The following CPAMD8 variants were observed in gnomAD, a reference collection of about 807,000 sequenced individuals.
CPAMD8 encodes C3 and PZP-like alpha-2-macroglobulin domain-containing protein 8.
CPAMD8 carries 146 observed loss-of-function variants against 224.7 expected under a neutral mutation model. That is an observed-to-expected ratio of 0.65 (90% CI 0.57 to 0.75). CPAMD8 has a LOEUF of 0.75. Among genes scored for constraint, CPAMD8 ranks in the 30% least tolerant of loss-of-function variants. CPAMD8 has a pLI of 0.00. For synonymous variants in CPAMD8, 966 were observed against 1,044.6 expected (o/e 0.92, Z 1.45); for missense variants, 2,301 against 2,537.5 (o/e 0.91, Z 2.00).
intron 1 of CPAMD8, among the ~76,000 whole-genome samples, chr19:17,025,511 G>GGCCGCGTCATTCC: frequency 6.6e-6 from 1 of 152,226 alleles, no homozygotes; most frequent in Non-Finnish European, 1.5e-5. Flanking sequence ...TGTCATGTGG[G>GGCCGCGTCATTCC]GCCGCGTCAT....
intron 6 of CPAMD8, 178 bp downstream of exon 6, chr19:17,009,125 C>A: frequency 1.1e-6 from 1 of 909,778 alleles, no homozygotes; most frequent in Non-Finnish European, 1.7e-6. Context: ...GACAGACACA[C>A]ACACAGCCCA....
chr19:16,949,044 G>A (rs2054214778), intron 20 of CPAMD8, among the ~76,000 whole-genome samples: 2 of 132,318 alleles, frequency 1.5e-5, no homozygotes, highest in South Asian at 6.0e-4. Flanking sequence ...AAGGAAGGAA[G>A]GACGGGAGGG....
chr19:16,948,916 A>AAG, intron 20 of CPAMD8, among the ~76,000 whole-genome samples: 1 of 42,172 alleles, frequency 2.4e-5, no homozygotes. Flanking sequence ...GGGAAGGGAA[A>AAG]GGAAGGGGAG....
intron 13 of CPAMD8, among the ~76,000 whole-genome samples, chr19:16,981,109 T>C (rs187549323): frequency 6.9e-6 from 1 of 145,196 alleles, no homozygotes. Context: ...TCCCAGCACT[T>C]TGGGGGGCTG....
Position 16,897,793 on chromosome 19 carries a change from C to T in CPAMD8, c.4963G>A (p.Ala1655Thr). Residue 1655 changes from alanine (A) to threonine (T), a missense_variant, in exon 39 of 42, where the codon GCC (alanine) becomes ACC (threonine). Physicochemically the swap from Ala to Thr is moderately conservative, Grantham distance 58. Around this residue, in one of 4 missense-constraint regions of CPAMD8, gnomAD observed 1,709 missense variants for 1,753.2 expected, o/e 0.97. Coordinates refer to ENST00000443236, the MANE Select transcript of CPAMD8 (RefSeq NM_015692.5). ...GTGCTGACGTTGTAGAAGCGAGTGG[C>T]CTCGAAGGCTACGGGACGAGGGTGG... Reference protein sequence around the residue: ...VYDYYEPAFEATRFYNVSTHS... With the variant: ...VYDYYEPAFETTRFYNVSTHS... 1 of 1,583,868 alleles carries T rather than the reference C, an allele frequency of 6.3e-7. No homozygotes were observed.
In CPAMD8 at chr19:16,896,504, G is replaced by A; in HGVS notation, c.5227C>T (p.Arg1743Cys). The A allele has an allele frequency of 7.0e-7, 1 of 1,428,888 alleles. No individual in the cohort carries two copies. The highest frequency in any genetic ancestry group is 9.1e-7 in the Non-Finnish European group (1 of 1,103,020). The allele number at this position is 1,428,888 out of a possible 1,614,324, so 88.5% of individuals were successfully genotyped here. Reference sequence around the variant, plus strand: ...GCGGGCTCCAGGGGCGCGGCCTGGCGGCAGGCGGCCTCCCGCAGGCGGCAG... The same window carrying A: ...GCGGGCTCCAGGGGCGCGGCCTGGCAGCAGGCGGCCTCCCGCAGGCGGCAG... Reference protein sequence around the residue: ...SACRLREAACRQAAPLEPAPP... With the variant: ...SACRLREAACCQAAPLEPAPP... Residue 1743 changes from arginine to cysteine, a missense_variant, in exon 40 of 42, where the codon CGC (arginine) becomes TGC (cysteine). Transcript: ENST00000443236.
At position 16,967,137 on chromosome 19, in the gene CPAMD8, C is replaced by T. The variant is rs1599800966; in HGVS notation, c.2213+3754G>A. Among the ~76,000 whole-genome samples the T allele has an allele frequency of 3.3e-5, 5 of 152,184 alleles. No individual in the cohort carries two copies. The South Asian group carries it at 8.3e-4, about 25-fold the overall frequency. ...GGATTAAGAAAATGTGGCACATATA[C>T]ACCATGGAATACTATGCAGCCATAA... is the stretch of plus-strand genomic sequence containing the variant. On this transcript the variant is annotated intron_variant, in intron 18 of 41. Coordinates refer to ENST00000443236, the MANE Select transcript of CPAMD8 (RefSeq NM_015692.5).
chr19:17,022,107 G>C lies in CPAMD8; in HGVS notation c.167C>G (p.Ser56Cys), dbSNP rs1473641077. The change falls in exon 2 of 42, where the codon TCT becomes TGT. Residue 56 changes from serine (S) to cysteine (C), a missense_variant. Physicochemically the swap from Ser to Cys is moderately radical, Grantham distance 112 (BLOSUM62 -1). Around this residue, in one of 4 missense-constraint regions of CPAMD8, gnomAD observed 283 missense variants for 340.6 expected, o/e 0.83. Transcript: ENST00000443236. Reference sequence around the variant, plus strand: ...AGCCTGGACCGTGACTTCCCTTGGAGAGTTAAAGATGGTCACGCTGATGAC... The same window carrying C: ...AGCCTGGACCGTGACTTCCCTTGGACAGTTAAAGATGGTCACGCTGATGAC... ...EEVISVTIFNSPREVTVQAQL... is the reference protein window; with the variant it reads ...EEVISVTIFNCPREVTVQAQL... 1.2e-6 allele frequency: 2 copies of C among 1,606,078 alleles called. No homozygotes were observed. Among genetic ancestry groups the C allele is most frequent in the Non-Finnish European group, 1.7e-6 (2 of 1,176,234 alleles).
intron 13 of CPAMD8, among the ~76,000 whole-genome samples, chr19:16,983,012 C>T (rs2055570648): frequency 6.6e-6 from 1 of 152,130 alleles, no homozygotes; most frequent in African/African-American, 2.4e-5. Flanking sequence ...TCACTTGGTT[C>T]CCATTCTCTC....
intron 32 of CPAMD8, 145 bp from the exon 33 acceptor site, chr19:16,904,002 G>A: frequency 1.1e-6 from 1 of 928,902 alleles, no homozygotes; most frequent in Non-Finnish European, 1.6e-6. Flanking sequence ...CCATGGCACT[G>A]GGGGCCTCAG....
chr19:17,004,067 G>A (rs1339807008), intron 8 of CPAMD8, among the ~76,000 whole-genome samples: 6 of 151,814 alleles, frequency 4.0e-5, no homozygotes, highest in East Asian at 2.0e-4. Flanking sequence ...CACCACGCCC[G>A]GCTAATTTTT....
At position 16,896,207 on chromosome 19, in the gene CPAMD8, C is replaced by T. The variant is rs779253119; in HGVS notation, c.5395G>A (p.Asp1799Asn). 4 of 1,613,888 alleles carry T rather than the reference C, an allele frequency of 2.5e-6. No homozygotes were observed. Among genetic ancestry groups the T allele is most frequent in the Non-Finnish European group, 3.4e-6 (4 of 1,179,984 alleles). ...NGAGLEVEDS[D>N]PEPEGEAEDR... ...TCCGCCTCCCCTTCAGGCTCAGGGT[C>T]TGAGTCCTCCACCTCAAGGCCGGCT... is the stretch of plus-strand genomic sequence containing the variant. Residue 1799 changes from aspartate to asparagine, a missense_variant, in exon 41 of 42, where the codon GAC (aspartate) becomes AAC (asparagine). Around this residue, in one of 4 missense-constraint regions of CPAMD8, gnomAD observed 1,709 missense variants for 1,753.2 expected, o/e 0.97. Transcript: ENST00000443236.
intron 29 of CPAMD8, among the ~76,000 whole-genome samples, chr19:16,913,710 T>C (rs1426091549): frequency 6.6e-6 from 1 of 152,142 alleles, no homozygotes; most frequent in Non-Finnish European, 1.5e-5. Context: ...AGGGGCCCTC[T>C]GGACATTGTG....
chr19:16,938,514 G>A, intron 22 of CPAMD8, 68 bp from the exon 23 acceptor site: 1 of 845,784 alleles, frequency 1.2e-6, no homozygotes, highest in Non-Finnish European at 1.9e-6. Flanking sequence ...CAGCGGAGCA[G>A]CTGGCTCTCC....
rs371931833 is a variant in CPAMD8, at chr19:16,980,623, C to T, written c.1459G>A (p.Glu487Lys). ...ACAATATTGCCCCGTGCAGCCACCT[C>T]GTAGTACAGGGTAAAGTTGCAGGGA... Reference protein sequence around the residue: ...TCPCNFTLYYEVAARGNIVLS... With the variant: ...TCPCNFTLYYKVAARGNIVLS... The change falls in exon 14 of 42, where the codon GAG becomes AAG. Residue 487 changes from glutamate to lysine, a missense_variant. Coordinates refer to ENST00000443236, the MANE Select transcript of CPAMD8 (RefSeq NM_015692.5). 7.5e-6 allele frequency: 12 copies of T among 1,606,116 alleles called. No individual in the cohort carries two copies. The highest frequency in any genetic ancestry group is 1.3e-5 in the African/African-American group (1 of 74,406).
chr19:17,009,120 A>G, intron 6 of CPAMD8, 183 bp downstream of exon 6: 1 of 834,308 alleles, frequency 1.2e-6, no homozygotes, highest in Non-Finnish European at 1.9e-6. Flanking sequence ...AAACGGACAG[A>G]CACACACACA....
intron 27 of CPAMD8, among the ~76,000 whole-genome samples, chr19:16,918,962 G>T (rs2053066984): frequency 6.6e-6 from 1 of 151,988 alleles, no homozygotes; most frequent in Non-Finnish European, 1.5e-5. Context: ...CAGCACTTTG[G>T]GAGGCTGAGG....
intron 34 of CPAMD8, 58 bp from the exon 35 acceptor site, chr19:16,902,921 G>T: frequency 1.8e-6 from 2 of 1,101,746 alleles, no homozygotes; most frequent in African/African-American, 1.6e-5. Context: ...ACAGGTGCAG[G>T]GTAGGGGAGG....
In CPAMD8 at chr19:16,896,438, G is replaced by C. The variant is rs1271757028; in HGVS notation, c.5275+18C>G. 2.7e-5 allele frequency: 39 copies of C among 1,463,564 alleles called. No homozygotes were observed. The highest frequency in any genetic ancestry group is 5.0e-5 in the Admixed American group (2 of 40,004). 90.7% of individuals were successfully genotyped at this position (1,463,564 alleles called of 1,614,324 possible). A position where few individuals can be genotyped will look rare whatever the true frequency, so the allele number is the denominator to read the frequency against. The stretch of plus-strand genomic sequence containing the variant: ...AGCGATGGTGTCCCCGAGGCTAGGC[G>C]GGGGGTAGGGTCCTCACCGAGGGCG... On this transcript the variant is annotated intron_variant, in intron 40 of 41. Transcript: ENST00000443236.
Sources: allele counts gnomAD v4.1 joint callset (sites outside exome capture counted in the v4.1 genomes callset), GRCh38; gene constraint gnomAD v4.1.1; regional missense constraint gnomAD v4.1.1; transcripts MANE v1.5; gene names NCBI Gene and HGNC (gene_info 2026-07-23, HGNC 2026-07-21).